Variants in ITGBL1 observed in about 807,000 individuals in gnomAD.
ITGBL1 encodes the protein integrin subunit beta like 1.
A neutral mutation model predicts 68.5 loss-of-function variants in ITGBL1; 51 were observed. That is an observed-to-expected ratio of 0.74 (90% CI 0.59 to 0.94). ITGBL1 has a LOEUF of 0.94. Among genes scored for constraint, ITGBL1 ranks in the 40% least tolerant of loss-of-function variants. The pLI is 0.00. For missense variants in ITGBL1, 649 were observed against 647.4 expected (o/e 1.00, Z -0.03); for synonymous variants, 209 against 227.3 (o/e 0.92, Z 0.72).
intron 7 of ITGBL1, among the ~76,000 whole-genome samples, chr13:101,630,313 A>T (rs2031934419): frequency 6.6e-6 from 1 of 152,188 alleles, no homozygotes; most frequent in South Asian, 2.1e-4. Flanking sequence ...ATGACAAATC[A>T]TTCAATATTT....
chr13:101,522,719 G>A (rs913172434), intron 2 of ITGBL1, among the ~76,000 whole-genome samples: 1 of 152,132 alleles, frequency 6.6e-6, no homozygotes, highest in Non-Finnish European at 1.5e-5. Flanking sequence ...ACAGTTCTAG[G>A]TGCCAGGAAC....
At chr13:101,709,136 C>T (rs112214950) in intron 9 of ITGBL1, among the ~76,000 whole-genome samples, 3,488 of 151,458 alleles carry the variant, frequency 0.023, 152 homozygotes, top group African/African-American at 0.08. Context: ...GAGGCCGAGG[C>T]GGGTGGATCA....
chr13:101,528,895 T>A (rs1214172729), intron 2 of ITGBL1, among the ~76,000 whole-genome samples: 1 of 151,814 alleles, frequency 6.6e-6, no homozygotes, highest in Non-Finnish European at 1.5e-5. Context: ...CTAGAGGTAA[T>A]AAAAACTAGT....
At position 101,587,572 on chromosome 13, in the gene ITGBL1, A is replaced by C. The variant is rs16959105; in HGVS notation, c.868+4216A>C. 9.0e-3 allele frequency among the ~76,000 whole-genome samples: 1,372 copies of C among 152,314 alleles called. 21 individuals are homozygous for C. The highest frequency in any genetic ancestry group is 0.031 in the African/African-American group (1,296 of 41,576). On this transcript the variant is annotated intron_variant, in intron 6 of 10. Coordinates refer to ENST00000376180, the MANE Select transcript of ITGBL1 (RefSeq NM_004791.3). Reference sequence around the variant, plus strand: ...GGCCGCTTACCACTCAGGTCTATTTACCCAAATCCCATAATTGGAAAAATA... The same window carrying C: ...GGCCGCTTACCACTCAGGTCTATTTCCCCAAATCCCATAATTGGAAAAATA...
intron 4 of ITGBL1, among the ~76,000 whole-genome samples, chr13:101,577,450 A>C (rs561935438): frequency 6.6e-6 from 1 of 152,188 alleles, no homozygotes; most frequent in Non-Finnish European, 1.5e-5. Flanking sequence ...TTAATTTTCC[A>C]TACCTGCATA....
intron 7 of ITGBL1, among the ~76,000 whole-genome samples, chr13:101,622,082 A>AGT (rs1227911373): frequency 3.9e-5 from 6 of 152,138 alleles, no homozygotes; most frequent in African/African-American, 1.4e-4. Flanking sequence ...GCCTGCACAG[A>AGT]GTGTTGATTG....
intron 2 of ITGBL1, among the ~76,000 whole-genome samples, chr13:101,529,960 A>G (rs1332290283): frequency 6.6e-6 from 1 of 152,164 alleles, no homozygotes; most frequent in African/African-American, 2.4e-5. Flanking sequence ...GTGAGCCCAC[A>G]ATTTTCTATC....
At chr13:101,471,488 C>G (rs1380377226) in intron 2 of ITGBL1, among the ~76,000 whole-genome samples, 1 of 151,676 alleles carries the variant, frequency 6.6e-6, no homozygotes, top group African/African-American at 2.4e-5. Flanking sequence ...TAGTGGCTTA[C>G]AGAAAGGCAA....
chr13:101,644,667 T>C (rs1026224966), intron 7 of ITGBL1, among the ~76,000 whole-genome samples: 3 of 152,210 alleles, frequency 2.0e-5, no homozygotes, highest in Non-Finnish European at 4.4e-5. Flanking sequence ...TATATTTTGT[T>C]CAAAATGCGC....
intron 2 of ITGBL1, among the ~76,000 whole-genome samples, chr13:101,474,263 A>G (rs1594831545): frequency 6.6e-6 from 1 of 152,172 alleles, no homozygotes; most frequent in Admixed American, 6.5e-5. Context: ...ATTCACCACA[A>G]GCTGAGCCTT....
chr13:101,509,084 A>G (rs2049072446), intron 2 of ITGBL1, among the ~76,000 whole-genome samples: 1 of 152,144 alleles, frequency 6.6e-6, no homozygotes, highest in Non-Finnish European at 1.5e-5. Flanking sequence ...CAATTTACAA[A>G]AGAAAGAGGT....
intron 3 of ITGBL1, among the ~76,000 whole-genome samples, chr13:101,571,334 A>T (rs1482215966): frequency 6.6e-6 from 1 of 152,054 alleles, no homozygotes; most frequent in African/African-American, 2.4e-5. Context: ...CTGTACCTCA[A>T]TCATGCCCAA....
intron 7 of ITGBL1, among the ~76,000 whole-genome samples, chr13:101,624,017 A>T (rs1226630839): frequency 6.6e-6 from 1 of 152,148 alleles, no homozygotes; most frequent in Non-Finnish European, 1.5e-5. Context: ...ACAATCTCTT[A>T]TATTCATGTG....
At chr13:101,489,473 T>C (rs531885495) in intron 2 of ITGBL1, among the ~76,000 whole-genome samples, 2 of 152,296 alleles carry the variant, frequency 1.3e-5, no homozygotes, top group East Asian at 3.9e-4. Context: ...CGTCTATTAA[T>C]ACATGGCATA....
chr13:101,490,616 AG>A (rs534663683), intron 2 of ITGBL1, among the ~76,000 whole-genome samples: 33 of 152,282 alleles, frequency 2.2e-4, no homozygotes, highest in African/African-American at 7.9e-4. Flanking sequence ...TTGAAGAGTA[AG>A]AGGGATTTGT....
In ITGBL1 at chr13:101,587,702, G is replaced by T. The variant is rs571265863; in HGVS notation, c.868+4346G>T. Among the ~76,000 whole-genome samples the T allele has an allele frequency of 2.0e-5, 3 of 152,176 alleles. No individual in the cohort carries two copies. In the South Asian group the frequency reaches 6.2e-4, roughly 32 times the overall value. ...TTAGAGTTACATTAGTTTGGAAAAT[G>T]GAATATTTTGATAGAACCATATTAT... is the stretch of plus-strand genomic sequence containing the variant. On this transcript the variant is annotated intron_variant, in intron 6 of 10. Transcript: ENST00000376180.
chr13:101,492,697 C>G (rs908926098), intron 2 of ITGBL1, among the ~76,000 whole-genome samples: 1 of 152,128 alleles, frequency 6.6e-6, no homozygotes, highest in Admixed American at 6.6e-5. Context: ...CCTTGCTGCC[C>G]TCCTTGGAAT....
chr13:101,567,154 G>A (rs1003835694), intron 2 of ITGBL1, among the ~76,000 whole-genome samples: 18 of 152,072 alleles, frequency 1.2e-4, no homozygotes, highest in African/African-American at 4.1e-4. Flanking sequence ...TTATGTGGAG[G>A]CAGATGAATA....
In ITGBL1 at chr13:101,486,156, C is replaced by T. The variant is rs2048699967; in HGVS notation, c.316+32056C>T. 4.6e-5 allele frequency among the ~76,000 whole-genome samples: 7 copies of T among 152,130 alleles called. No homozygotes were observed. The South Asian group carries it at 1.4e-3, about 31-fold the overall frequency. On this transcript the variant is annotated intron_variant, in intron 2 of 10. Transcript: ENST00000376180. ...TATATATACACCAGGGAATACTACT[C>T]AGCCTTGAAAAGGAGTGAAATAATG...
Sources: allele counts gnomAD v4.1 joint callset (sites outside exome capture counted in the v4.1 genomes callset), GRCh38; gene constraint gnomAD v4.1.1; transcripts MANE v1.5; gene names NCBI Gene and HGNC (gene_info 2026-07-23, HGNC 2026-07-21).